Variants in CLVS1 observed in about 807,000 individuals in gnomAD.
CLVS1 encodes clavesin-1.
CLVS1 carries 10 observed loss-of-function variants against 33.1 expected under a neutral mutation model. That is an observed-to-expected ratio of 0.30 (90% confidence interval 0.19 to 0.51). CLVS1 has a LOEUF of 0.51. Among genes scored for constraint, CLVS1 ranks in the 20% least tolerant of loss-of-function variants. CLVS1 has a pLI of 0.97. For synonymous variants in CLVS1, 163 were observed against 166.1 expected (o/e 0.98, Z 0.14); for missense variants, 343 against 433.4 (o/e 0.79, Z 1.85).
At chr8:61,489,882 C>G (rs549861401) in intron 5 of CLVS1, among the ~76,000 whole-genome samples, 1 of 152,346 alleles carries the variant, frequency 6.6e-6, no homozygotes, top group Admixed American at 6.5e-5. Context: ...GAGCTACTCT[C>G]TGCAGCAGGA....
intron 1 of CLVS1, among the ~76,000 whole-genome samples, chr8:61,127,060 A>G (rs571603353): frequency 6.6e-6 from 1 of 152,208 alleles, no homozygotes; most frequent in South Asian, 2.1e-4. Flanking sequence ...CAGTATAGGA[A>G]TTTTCCAAAG....
intron 2 of CLVS1, among the ~76,000 whole-genome samples, chr8:61,282,072 G>A (rs901441101): frequency 2.0e-5 from 3 of 152,214 alleles, no homozygotes; most frequent in African/African-American, 7.2e-5. Flanking sequence ...TTGGTGCTGA[G>A]CAAAAGGCTA....
At chr8:61,218,453 T>C (rs564188824) in intron 2 of CLVS1, among the ~76,000 whole-genome samples, 2 of 151,838 alleles carry the variant, frequency 1.3e-5, no homozygotes, top group South Asian at 4.2e-4. Context: ...AAAAAGAAAT[T>C]GATTTCATAG....
chr8:61,058,500 C>G (rs566108878), intron 1 of CLVS1, among the ~76,000 whole-genome samples: 32 of 152,272 alleles, frequency 2.1e-4, no homozygotes, highest in Non-Finnish European at 3.7e-4. Context: ...ATCTGTTCTC[C>G]CCATTATCCA....
chr8:61,191,054 T>G (rs1056867962), intron 2 of CLVS1, among the ~76,000 whole-genome samples: 1 of 152,096 alleles, frequency 6.6e-6, no homozygotes, highest in Non-Finnish European at 1.5e-5. Context: ...TACCAAAGCC[T>G]GGCAGAGACA....
chr8:61,496,045 GAAGA>G (rs1804254967), intron 5 of CLVS1, among the ~76,000 whole-genome samples: 1 of 152,152 alleles, frequency 6.6e-6, no homozygotes, highest in Admixed American at 6.6e-5. Flanking sequence ...TCAATGTAAG[GAAGA>G]ATTTTCTAGC....
chr8:61,236,596 G>C lies in CLVS1; in HGVS notation c.-151-63081G>C, dbSNP rs563867983. Reference sequence around the variant, plus strand: ...TGCAGCAGCAGCAGCACTGTTCCTGGGTGGGCAGCCTTTTTCTTTTTGTGA... The same window carrying C: ...TGCAGCAGCAGCAGCACTGTTCCTGCGTGGGCAGCCTTTTTCTTTTTGTGA... On this transcript the variant is annotated intron_variant, in intron 2 of 2. Coordinates refer to the CLVS1 transcript ENST00000522621. Among the ~76,000 whole-genome samples the C allele has an allele frequency of 8.5e-5, 13 of 152,226 alleles. No individual in the cohort carries two copies. In the South Asian group the frequency reaches 2.7e-3, roughly 32 times the overall value.
In CLVS1 at chr8:61,422,987, A is replaced by C. The variant is rs368796188; in HGVS notation, c.631-31154A>C. On this transcript the variant is annotated intron_variant, in intron 3 of 5. Transcript: ENST00000325897. Reference sequence around the variant, plus strand: ...TCCTACAGAGAGCTGAGTGACCAGGAGGGAGTCTTTTGGAAGATGAATGGA... The same window carrying C: ...TCCTACAGAGAGCTGAGTGACCAGGCGGGAGTCTTTTGGAAGATGAATGGA... 9.9e-4 allele frequency among the ~76,000 whole-genome samples: 150 copies of C among 152,266 alleles called. No individual in the cohort carries two copies. The Middle Eastern group carries it at 0.017, about 17-fold the overall frequency.
intron 3 of CLVS1, among the ~76,000 whole-genome samples, chr8:61,422,384 A>T (rs1322237121): frequency 1.3e-5 from 2 of 152,228 alleles, no homozygotes; most frequent in African/African-American, 2.4e-5. Context: ...TGATGTCTCC[A>T]TCATGGGGAA....
At chr8:61,467,029 T>G (rs1177372557) in intron 5 of CLVS1, among the ~76,000 whole-genome samples, 1 of 152,200 alleles carries the variant, frequency 6.6e-6, no homozygotes, top group Non-Finnish European at 1.5e-5. Context: ...TGAGCCACTT[T>G]GAGAGGTCTT....
chr8:61,049,635 G>A, the CLVS1 span, among the ~76,000 whole-genome samples: 1 of 152,164 alleles, frequency 6.6e-6, no homozygotes, highest in Non-Finnish European at 1.5e-5. Context: ...TGAAATTTTA[G>A]ATAGAAGCCC....
rs1300733802 is a variant in CLVS1 at position 61,297,977 on chromosome 8, G to A, written c.-151-1700G>A. 2.0e-5 allele frequency among the ~76,000 whole-genome samples: 3 copies of A among 152,196 alleles called. No homozygotes were observed. The East Asian group carries it at 5.8e-4, about 29-fold the overall frequency. On this transcript the variant is annotated intron_variant, in intron 1 of 5. Transcript: ENST00000325897. ...ATATCTATTAGTAGAGTGACCATCT[G>A]TCTGAGTTTGCTTGGAACCTGTTGT...
the CLVS1 span, among the ~76,000 whole-genome samples, chr8:60,984,247 G>T: frequency 1.3e-5 from 2 of 151,272 alleles, no homozygotes; most frequent in African/African-American, 4.9e-5. Flanking sequence ...AGACCCTATT[G>T]TCTTTAACTG....
At chr8:61,029,282 C>T in the CLVS1 span, among the ~76,000 whole-genome samples, 1 of 152,192 alleles carries the variant, frequency 6.6e-6, no homozygotes, top group African/African-American at 2.4e-5. Context: ...TGAGGTTCCA[C>T]CTGGTGTCGG....
In CLVS1 at chr8:61,063,260, CGAGA is replaced by C. The variant is rs555022524; in HGVS notation, c.-243+6061_-243+6064del. Among the ~76,000 whole-genome samples, 388 of 81,922 alleles carry C rather than the reference CGAGA, an allele frequency of 4.7e-3. 3 individuals carry two copies. The highest frequency in any genetic ancestry group is 0.018 in the Middle Eastern group (2 of 114). 53.7% of individuals were successfully genotyped at this position (81,922 alleles called of 152,430 possible). A position where few individuals can be genotyped will look rare whatever the true frequency, so the allele number is the denominator to read the frequency against. On this transcript the variant is annotated intron_variant, in intron 1 of 2. Coordinates refer to the CLVS1 transcript ENST00000522621. ...ATCTACACAGGAGAAAGTGAGGAAGCGAGAGAGAGAGAGAGAGAGAGAGAGAGAG... is the reference window on the plus strand; with the variant it reads ...ATCTACACAGGAGAAAGTGAGGAAGCGAGAGAGAGAGAGAGAGAGAGAGAG...
chr8:61,327,027 GAGTGAGCTAA>G (rs1811409300), intron 2 of CLVS1, among the ~76,000 whole-genome samples: 1 of 152,148 alleles, frequency 6.6e-6, no homozygotes, highest in Admixed American at 6.6e-5. Flanking sequence ...CTATCATTAA[GAGTGAGCTAA>G]AGTAGATCTC....
At position 61,086,106 on chromosome 8, in the gene CLVS1, A is replaced by T. The variant is rs183863353; in HGVS notation, c.-243+28876A>T. Among the ~76,000 whole-genome samples, 237 of 144,970 alleles carry T rather than the reference A, an allele frequency of 1.6e-3. 1 individual carries two copies. The highest frequency in any genetic ancestry group is 3.5e-3 in the Middle Eastern group (1 of 284). On this transcript the variant is annotated intron_variant, in intron 1 of 2. Transcript: ENST00000522621. ...GCTTGTTGTGGTGGTGTGTGACTGT[A>T]ATCCCAGCTACTCAGGAGGCTGAGG... is the stretch of plus-strand genomic sequence containing the variant.
intron 3 of CLVS1, among the ~76,000 whole-genome samples, chr8:61,443,257 T>G (rs1226875355): frequency 6.6e-6 from 1 of 152,214 alleles, no homozygotes; most frequent in African/African-American, 2.4e-5. Flanking sequence ...TTATTGTCTT[T>G]TTACTTGTTT....
chr8:61,166,034 T>TTTTTTTTTTG (rs1563427946), intron 2 of CLVS1, among the ~76,000 whole-genome samples: 4 of 146,958 alleles, frequency 2.7e-5, no homozygotes, highest in Admixed American at 6.8e-5. Context: ...TCTAAGCGTT[T>TTTTTTTTTTG]TTTTTTTTTT....
Sources: gnomAD v4.1 joint callset for allele counts (sites outside exome capture counted in the v4.1 genomes callset) on GRCh38, gnomAD v4.1.1 for gene constraint, MANE v1.5 for transcripts, NCBI Gene and HGNC (gene_info 2026-07-23, HGNC 2026-07-21) for gene names.